TOMM40L: variants seen among roughly 807,000 people sequenced by gnomAD.
The protein encoded by TOMM40L is mitochondrial import receptor subunit TOM40B.
In TOMM40L, 17 loss-of-function variants were observed where a neutral mutation model predicts 38.3. That is an observed-to-expected ratio of 0.44 (90% CI 0.30 to 0.67). The LOEUF is 0.67. TOMM40L is among the 30% of genes least tolerant of loss of function. TOMM40L has a pLI of 0.08. For synonymous variants in TOMM40L, 151 were observed against 150.2 expected (o/e 1.01, Z -0.04); for missense variants, 294 against 390.0 (o/e 0.75, Z 2.07).
In TOMM40L at chr1:161,229,152, G is replaced by A; in HGVS notation, c.*57G>A. ...GAACCTCTGAGTCAGGTGCCCTAGGGCCAAAGACTAGGCCCCTCTTCAGAG... is the reference window on the plus strand; with the variant it reads ...GAACCTCTGAGTCAGGTGCCCTAGGACCAAAGACTAGGCCCCTCTTCAGAG... On this transcript the variant is annotated 3_prime_UTR_variant, in exon 10 of 10. Transcript: ENST00000367988. The A allele has an allele frequency of 6.2e-7, 1 of 1,613,282 alleles. No individual in the cohort carries two copies. Among genetic ancestry groups the A allele is most frequent in the South Asian group, 1.1e-5 (1 of 91,054 alleles).
Position 161,229,492 on chromosome 1 carries a change from G to T in TOMM40L, c.*397G>T. On this transcript the variant is annotated 3_prime_UTR_variant, in exon 10 of 10. Transcript: ENST00000367988. ...CCCAGAGCCTCCCAAGGCTGGGAAA[G>T]TAGGGCTGAAGGGCTAGATGTTTGG... 1.3e-6 allele frequency: 1 copy of T among 778,090 alleles called. No individual in the cohort carries two copies. The allele number at this position is 778,090 out of a possible 1,614,324, so 48.2% of individuals were successfully genotyped here. A position where few individuals can be genotyped will look rare whatever the true frequency, so the allele number is the denominator to read the frequency against.
chr1:161,226,291 G>A (rs1666339510), intron 1 of TOMM40L, 64 bp from the exon 2 acceptor site: 1 of 562,398 alleles, frequency 1.8e-6, no homozygotes, highest in African/African-American at 1.9e-5. Flanking sequence ...TCAAAGATGG[G>A]GCGGGAGTGT....
rs977296514 is a variant in TOMM40L at position 161,230,658 on chromosome 1, T to C, written c.*1563T>C. ...TACAGCAATTTGGATGCTGAAACGATGTGAGACAGGGATGGCCAGGGGGAA... is the reference window on the plus strand; with the variant it reads ...TACAGCAATTTGGATGCTGAAACGACGTGAGACAGGGATGGCCAGGGGGAA... On this transcript the variant is annotated 3_prime_UTR_variant, in exon 10 of 10. Coordinates refer to ENST00000367988, the MANE Select transcript of TOMM40L (RefSeq NM_032174.6). 8 of 924,430 alleles carry C rather than the reference T, an allele frequency of 8.7e-6. No homozygotes were observed. Among genetic ancestry groups the C allele is most frequent in the Non-Finnish European group, 1.1e-5 (7 of 620,570 alleles). 57.3% of individuals were successfully genotyped at this position (924,430 alleles called of 1,614,324 possible).
At position 161,226,542 on chromosome 1, in the gene TOMM40L, C is replaced by T; in HGVS notation, c.53C>T (p.Pro18Leu). 2 of 1,614,152 alleles carry T rather than the reference C, an allele frequency of 1.2e-6. No individual in the cohort carries two copies. The highest frequency in any genetic ancestry group is 1.7e-6 in the Non-Finnish European group (2 of 1,180,012). ...ATGGGGACTTTGCCCCGCCGGAGCC[C>T]CCGCCGAGAGGAACCCCTGCCCAAC... ...APMGTLPRRSPRREEPLPNPG... is the reference protein window; with the variant it reads ...APMGTLPRRSLRREEPLPNPG... Residue 18 changes from proline (P) to leucine (L), a missense_variant, in exon 2 of 10, where the codon CCC becomes CTC. Coordinates refer to ENST00000367988, the MANE Select transcript of TOMM40L (RefSeq NM_032174.6).
intron 4 of TOMM40L, 75 bp from the exon 5 acceptor site, chr1:161,227,561 T>C (rs1666427800): frequency 2.3e-6 from 3 of 1,320,506 alleles, no homozygotes; most frequent in Non-Finnish European, 3.2e-6. Flanking sequence ...GCACTCTTAA[T>C]GAAGTTCTAT....
rs1252476104 is a variant in TOMM40L, at chr1:161,226,506, G to A, written c.17G>A (p.Gly6Asp). 1 of 1,614,048 alleles carries A rather than the reference G, an allele frequency of 6.2e-7. No homozygotes were observed. The highest frequency in any genetic ancestry group is 8.5e-7 in the Non-Finnish European group (1 of 1,179,970). MGNTL[G>D]LAPMGTLPRR... ...TGGACTAAAATGGGGAACACATTGG[G>A]CCTGGCACCAATGGGGACTTTGCCC... Residue 6 changes from glycine (G) to aspartate (D), a missense_variant, in exon 2 of 10, where the codon GGC becomes GAC. Gly to Asp is a moderately conservative substitution (Grantham distance 94). Transcript: ENST00000367988.
At chr1:161,226,838 T>C (rs1666377723) in intron 2 of TOMM40L, 50 bp from the exon 3 acceptor site, 3 of 1,595,310 alleles carry the variant, frequency 1.9e-6, no homozygotes, top group African/African-American at 1.3e-5. Context: ...TCTTTTGGGG[T>C]AGGGGTTCTT....
At position 161,229,655 on chromosome 1, in the gene TOMM40L, T is replaced by C; in HGVS notation, c.*560T>C. The C allele has an allele frequency of 1.9e-6, 3 of 1,613,618 alleles. No homozygotes were observed. The highest frequency in any genetic ancestry group is 2.5e-6 in the Non-Finnish European group (3 of 1,179,894). On this transcript the variant is annotated 3_prime_UTR_variant, in exon 10 of 10. Coordinates refer to ENST00000367988, the MANE Select transcript of TOMM40L (RefSeq NM_032174.6). Reference sequence around the variant, plus strand: ...CACCCCCACTATCCCCATGACCGCATGAAGAGGCAGTTATTGCTTTAGTCT... The same window carrying C: ...CACCCCCACTATCCCCATGACCGCACGAAGAGGCAGTTATTGCTTTAGTCT...
Position 161,226,986 on chromosome 1 carries a change from A to C in TOMM40L, c.183+31A>C, listed in dbSNP as rs759564043. Reference sequence around the variant, plus strand: ...CCCACTTCTCTGGCCCCTCCTTACTATTCCCCCTTTCCTGTCCCTGGATCA... The same window carrying C: ...CCCACTTCTCTGGCCCCTCCTTACTCTTCCCCCTTTCCTGTCCCTGGATCA... On this transcript the variant is annotated intron_variant, in intron 3 of 9. Transcript: ENST00000367988. 4.3e-6 allele frequency: 7 copies of C among 1,612,592 alleles called. No homozygotes were observed. In the Admixed American group the frequency reaches 1.2e-4, roughly 27 times the overall value.
chr1:161,228,776 G>A lies in TOMM40L; in HGVS notation c.746G>A (p.Gly249Asp), dbSNP rs1329785387. Residue 249 changes from glycine (G) to aspartate (D), a missense_variant, in exon 9 of 10, where the codon GGT (glycine) becomes GAT (aspartate). Coordinates refer to ENST00000367988, the MANE Select transcript of TOMM40L (RefSeq NM_032174.6). ...TRLQDTTFSF[G>D]YHLTLPQANM... ...CTACAAGACACAACATTCTCCTTTG[G>A]TTACCACCTGACTCTGCCCCAGGCC... The A allele has an allele frequency of 5.6e-6, 9 of 1,613,940 alleles. No individual in the cohort carries two copies. Among genetic ancestry groups the A allele is most frequent in the Non-Finnish European group, 7.6e-6 (9 of 1,180,026 alleles).
intron 6 of TOMM40L, 73 bp from the exon 7 acceptor site, chr1:161,228,113 G>C (rs1666497394): frequency 6.3e-7 from 1 of 1,579,142 alleles, no homozygotes; most frequent in Non-Finnish European, 8.6e-7. Flanking sequence ...TGGGGTGGCG[G>C]TTATTGGGAG....
rs1265293251 is a variant in TOMM40L, at chr1:161,229,701, C to G, written c.*606C>G. The G allele has an allele frequency of 1.5e-5, 25 of 1,614,040 alleles. No individual in the cohort carries two copies. The highest frequency in any genetic ancestry group is 1.9e-5 in the Non-Finnish European group (23 of 1,180,012). ...AGTCTTTCATTGCAACCACTGGGCT[C>G]CCTTTGAACCCGGCCCAATCTTTGG... is the stretch of plus-strand genomic sequence containing the variant. On this transcript the variant is annotated 3_prime_UTR_variant, in exon 10 of 10. Coordinates refer to ENST00000367988, the MANE Select transcript of TOMM40L (RefSeq NM_032174.6).
chr1:161,229,062 A>G lies in TOMM40L; in HGVS notation c.894A>G (p.Arg298=), dbSNP rs1380052142. The G allele has an allele frequency of 1.9e-6, 3 of 1,614,016 alleles. No homozygotes were observed. The highest frequency in any genetic ancestry group is 2.5e-6 in the Non-Finnish European group (3 of 1,180,024). The change falls in exon 10 of 10, where the codon AGA becomes AGG. Residue 298 remains arginine, a synonymous_variant. Coordinates refer to ENST00000367988, the MANE Select transcript of TOMM40L (RefSeq NM_032174.6). ...LGAFLNHWRN[R]FHCGFSITVG ...CCTTCCTCAATCACTGGCGCAACAG[A>G]TTCCATTGTGGCTTCAGCATCACTG...
intron 8 of TOMM40L, 74 bp downstream of exon 8, chr1:161,228,578 C>T: frequency 1.3e-6 from 2 of 1,577,436 alleles, no homozygotes; most frequent in Non-Finnish European, 1.7e-6. Context: ...ACCTCTATCG[C>T]CCTGCTGACC....
Position 161,229,065 on chromosome 1 carries a change from C to T in TOMM40L, c.897C>T (p.Phe299=), listed in dbSNP as rs1346964121. 5.6e-6 allele frequency: 9 copies of T among 1,614,052 alleles called. No individual in the cohort carries two copies. Among genetic ancestry groups the T allele is most frequent in the Non-Finnish European group, 6.8e-6 (8 of 1,180,026 alleles). ...GAFLNHWRNR[F]HCGFSITVG is the part of the protein sequence containing the mutation. ...TCCTCAATCACTGGCGCAACAGATT[C>T]CATTGTGGCTTCAGCATCACTGTGG... The change falls in exon 10 of 10, where the codon TTC becomes TTT. Residue 299 remains phenylalanine (F), a synonymous_variant. Transcript: ENST00000367988.
At chr1:161,227,836 T>A (rs529587052) in intron 5 of TOMM40L, 48 bp from the exon 6 acceptor site, 1 of 1,608,214 alleles carries the variant, frequency 6.2e-7, no homozygotes, top group Non-Finnish European at 8.5e-7. Flanking sequence ...GAGTCTATAA[T>A]GATCATAAAG....
rs1004444571 is a variant in TOMM40L, at chr1:161,230,224, C to T, written c.*1129C>T. 17 of 411,306 alleles carry T rather than the reference C, an allele frequency of 4.1e-5. No individual in the cohort carries two copies. The highest frequency in any genetic ancestry group is 3.5e-4 in the African/African-American group (17 of 49,254). 25.5% of individuals were successfully genotyped at this position (411,306 alleles called of 1,614,324 possible). On this transcript the variant is annotated 3_prime_UTR_variant, in exon 10 of 10. Transcript: ENST00000367988. ...ACTCCAACCATGTGGAATCTGAGGG[C>T]CTGGCCTTCTAGAGCAGGTTCTAGA...
rs368027644 is a variant in TOMM40L at position 161,226,998 on chromosome 1, C to T, written c.183+43C>T. On this transcript the variant is annotated intron_variant, in intron 3 of 9. Transcript: ENST00000367988. ...GCCCCTCCTTACTATTCCCCCTTTC[C>T]TGTCCCTGGATCATCTTCTCCTTTC... is the stretch of plus-strand genomic sequence containing the variant. The T allele has an allele frequency of 9.3e-6, 15 of 1,608,924 alleles. No individual in the cohort carries two copies. The African/African-American group carries it at 1.9e-4, about 20-fold the overall frequency.
At position 161,228,825 on chromosome 1, in the gene TOMM40L, T is replaced by A. The variant is rs1196016355; in HGVS notation, c.787+8T>A. On this transcript the variant is annotated splice_region_variant and intron_variant, in intron 9 of 9. Transcript: ENST00000367988. ...CCAACATGGTATTTAGAGGTGAGGGTTATTGGGAGACATTTGGCTATCCTG... is the reference window on the plus strand; with the variant it reads ...CCAACATGGTATTTAGAGGTGAGGGATATTGGGAGACATTTGGCTATCCTG... 6.2e-7 allele frequency: 1 copy of A among 1,613,960 alleles called. No individual in the cohort carries two copies. The highest frequency in any genetic ancestry group is 1.7e-5 in the Admixed American group (1 of 60,000).
Sources: allele counts gnomAD v4.1 joint callset, GRCh38; gene constraint gnomAD v4.1.1; transcripts MANE v1.5; gene names NCBI Gene and HGNC (gene_info 2026-07-23, HGNC 2026-07-21).